FAT3: variants seen among roughly 807,000 people sequenced by gnomAD.
FAT3 encodes the protein FAT atypical cadherin 3.
FAT3 carries 95 observed loss-of-function variants against 310.2 expected under a neutral mutation model. The ratio of observed to expected loss-of-function variants is 0.31; its 90% CI spans 0.26 to 0.36. FAT3 has a LOEUF of 0.36. FAT3 is among the 10% of genes least tolerant of loss of function. The probability of loss-of-function intolerance (pLI) is 1.00; values close to 1 mark genes in which losing one functional copy is unlikely to be tolerated. For synonymous variants in FAT3, 2,314 were observed against 2,192.9 expected, an observed-to-expected ratio of 1.06 and a Z score of -1.54; for missense variants, 5,408 against 5,715.6, an observed-to-expected ratio of 0.95 and a Z score of 1.74.
chr11:92,383,983 G>A (rs73548420), intron 2 of FAT3, among the ~76,000 whole-genome samples: 2,240 of 152,074 alleles, frequency 0.015, 56 homozygotes, highest in African/African-American at 0.052. Context: ...ATTTCATCTG[G>A]AATCCTGAGA....
At chr11:92,866,158 C>T (rs1417948550) in intron 21 of FAT3, among the ~76,000 whole-genome samples, 3 of 152,144 alleles carry the variant, frequency 2.0e-5, no homozygotes, top group Non-Finnish European at 4.4e-5. Context: ...TACCAGGCCT[C>T]TTTCTTTCCC....
At chr11:92,532,709 C>A (rs1266385773) in intron 3 of FAT3, among the ~76,000 whole-genome samples, 1 of 152,164 alleles carries the variant, frequency 6.6e-6, no homozygotes, top group Non-Finnish European at 1.5e-5. Context: ...CAGAAAACAT[C>A]ATGAAGGGAT....
intron 3 of FAT3, among the ~76,000 whole-genome samples, chr11:92,670,815 ACT>A (rs1476993640): frequency 1.3e-5 from 2 of 152,066 alleles, no homozygotes; most frequent in Non-Finnish European, 2.9e-5. Flanking sequence ...ACATAAAAAC[ACT>A]CTGTGTCTAG....
intron 3 of FAT3, among the ~76,000 whole-genome samples, chr11:92,679,696 GC>G (rs1943413092): frequency 6.6e-6 from 1 of 151,738 alleles, no homozygotes; most frequent in Non-Finnish European, 1.5e-5. Flanking sequence ...CAAAAAATTA[GC>G]CAGGCGTGGT....
chr11:92,229,786 A>ATTTTTTT (rs1166096095), intron 1 of FAT3, among the ~76,000 whole-genome samples: 1 of 134,058 alleles, frequency 7.5e-6, no homozygotes, highest in Non-Finnish European at 1.6e-5. Context: ...CAGGACTTAG[A>ATTTTTTT]TTTTTTTTCT....
In FAT3 at chr11:92,697,451, C is replaced by T. The variant is rs770444566; in HGVS notation, c.3669+6C>T. 3.1e-5 allele frequency: 50 copies of T among 1,613,488 alleles called. No homozygotes were observed. Among genetic ancestry groups the T allele is most frequent in the African/African-American group, 5.3e-5 (4 of 74,914 alleles). The stretch of plus-strand genomic sequence containing the variant: ...AGGCAGAACATTTTCTGGAGGTAAG[C>T]GCATAGAGGGAACTGAAATTCATTA... On this transcript the variant is annotated splice_donor_region_variant and intron_variant, in intron 4 of 27. Transcript: ENST00000525166.
chr11:92,331,693 A>G (rs1257340073), intron 1 of FAT3, among the ~76,000 whole-genome samples: 1 of 152,258 alleles, frequency 6.6e-6, no homozygotes, highest in African/African-American at 2.4e-5. Flanking sequence ...AGTCTAAAGT[A>G]AATGAAAAAC....
At chr11:92,822,656 G>A (rs1044085086) in intron 13 of FAT3, among the ~76,000 whole-genome samples, 1 of 152,032 alleles carries the variant, frequency 6.6e-6, no homozygotes, top group Non-Finnish European at 1.5e-5. Flanking sequence ...TTCCACCCAC[G>A]CATCCTCTCC....
At chr11:92,490,086 T>C (rs1952559357) in intron 2 of FAT3, among the ~76,000 whole-genome samples, 1 of 152,092 alleles carries the variant, frequency 6.6e-6, no homozygotes, top group South Asian at 2.1e-4. Flanking sequence ...TTTGGCTTAT[T>C]CCTTCATCTG....
intron 3 of FAT3, among the ~76,000 whole-genome samples, chr11:92,585,768 C>T (rs1047500952): frequency 6.6e-6 from 1 of 151,858 alleles, no homozygotes; most frequent in Non-Finnish European, 1.5e-5. Context: ...TCTGCTATTT[C>T]TTTTCTCCTT....
At chr11:92,291,956 A>G (rs191324185) in intron 1 of FAT3, among the ~76,000 whole-genome samples, 1 of 152,060 alleles carries the variant, frequency 6.6e-6, no homozygotes, top group Non-Finnish European at 1.5e-5. Context: ...AAAAAATATC[A>G]CTTTTAGCAA....
chr11:92,823,774 A>G (rs1319043757), intron 13 of FAT3, among the ~76,000 whole-genome samples: 1 of 152,194 alleles, frequency 6.6e-6, no homozygotes, highest in African/African-American at 2.4e-5. Flanking sequence ...GGAATGTGCC[A>G]GTTTTAGTCA....
chr11:92,584,581 G>C (rs10501793), intron 3 of FAT3, among the ~76,000 whole-genome samples: 1 of 151,644 alleles, frequency 6.6e-6, no homozygotes, highest in Non-Finnish European at 1.5e-5. Context: ...GGCCATATTA[G>C]TACCATCTAT....
At chr11:92,548,767 G>GA (rs1184574916) in intron 3 of FAT3, among the ~76,000 whole-genome samples, 6 of 152,170 alleles carry the variant, frequency 3.9e-5, no homozygotes, top group African/African-American at 1.4e-4. Flanking sequence ...GGAAGGTAGG[G>GA]AAGAAGTGAG....
intron 2 of FAT3, among the ~76,000 whole-genome samples, chr11:92,482,232 A>G (rs1952246166): frequency 6.6e-6 from 1 of 152,170 alleles, no homozygotes; most frequent in African/African-American, 2.4e-5. Flanking sequence ...CATTTCCAAC[A>G]TTATTACAAT....
At chr11:92,658,676 T>C (rs921752203) in intron 3 of FAT3, among the ~76,000 whole-genome samples, 1 of 152,210 alleles carries the variant, frequency 6.6e-6, no homozygotes, top group Non-Finnish European at 1.5e-5. Flanking sequence ...TGAGCAGTTT[T>C]AGTCTTTCAG....
At chr11:92,509,551 C>T (rs1164096797) in intron 2 of FAT3, among the ~76,000 whole-genome samples, 2 of 152,144 alleles carry the variant, frequency 1.3e-5, no homozygotes, top group Non-Finnish European at 1.5e-5. Context: ...GCTAGACACT[C>T]TTCTAGGGTA....
chr11:92,806,283 A>C, intron 11 of FAT3, 79 bp from the exon 12 acceptor site: 1 of 1,258,006 alleles, frequency 7.9e-7, no homozygotes, highest in Non-Finnish European at 1.1e-6. Context: ...ATTTTTAAAG[A>C]AATCCTATAT....
intron 1 of FAT3, among the ~76,000 whole-genome samples, chr11:92,340,814 C>A (rs1202988939): frequency 4.6e-5 from 7 of 152,192 alleles, no homozygotes; most frequent in Non-Finnish European, 8.8e-5. Context: ...ATGCACCAGT[C>A]AATAATAAAT....
Sources: gnomAD v4.1 joint callset for allele counts (sites outside exome capture counted in the v4.1 genomes callset) on GRCh38, gnomAD v4.1.1 for gene constraint, MANE v1.5 for transcripts, NCBI Gene and HGNC (gene_info 2026-07-23, HGNC 2026-07-21) for gene names.